Variants in KIF1A observed in about 807,000 individuals in gnomAD.
KIF1A encodes the protein kinesin family member 1A.
A neutral mutation model predicts 227.3 loss-of-function variants in KIF1A; 46 were observed. The observed-to-expected ratio is 0.20, with a 90% CI of 0.16 to 0.26. The LOEUF is 0.26. Among genes scored for constraint, KIF1A ranks in the 10% least tolerant of loss-of-function variants. KIF1A has a pLI of 1.00. For synonymous variants in KIF1A, 1,022 were observed against 1,012.8 expected (o/e 1.01, Z -0.17); for missense variants, 1,683 against 2,485.9 (o/e 0.68, Z 6.87).
chr2:240,717,327 G>A lies in KIF1A; in HGVS notation c.*37C>T. The A allele has an allele frequency of 6.3e-7, 1 of 1,593,416 alleles. No individual in the cohort carries two copies. The highest frequency in any genetic ancestry group is 2.2e-5 in the East Asian group (1 of 44,732). ...GACAGACGAGGATGAGGGAGGGGAT[G>A]GGCTGGGCCTGCCGGCTGTCACGGG... On this transcript the variant is annotated 3_prime_UTR_variant, in exon 49 of 49. Coordinates refer to ENST00000498729, the MANE Select transcript of KIF1A (RefSeq NM_001244008.2).
At chr2:240,733,339 A>G (rs1264695738) in intron 38 of KIF1A, among the ~76,000 whole-genome samples, 1 of 152,078 alleles carries the variant, frequency 6.6e-6, no homozygotes, top group Non-Finnish European at 1.5e-5. Context: ...GCACGATGCC[A>G]TCTCCTCCTC....
At position 240,740,492 on chromosome 2, in the gene KIF1A, G is replaced by C. The variant is rs1300127035; in HGVS notation, c.3750-128C>G. 3.9e-6 allele frequency: 3 copies of C among 770,946 alleles called. No individual in the cohort carries two copies. The highest frequency in any genetic ancestry group is 3.4e-5 in the African/African-American group (2 of 58,468). The allele number at this position is 770,946 out of a possible 1,614,324, so 47.8% of individuals were successfully genotyped here. A position where few individuals can be genotyped will look rare whatever the true frequency, so the allele number is the denominator to read the frequency against. ...AGCTCCCTCTGGTGAAGATCAGGTG[G>C]TCTGATCCATGGAGACCACGGTCAG... On this transcript the variant is annotated intron_variant, in intron 35 of 48. Transcript: ENST00000498729. The surrounding 1 kb of genome is among the most constrained non-coding windows in gnomAD (Gnocchi z 6.1).
chr2:240,780,818 A>AGCTC (rs2053629302), intron 10 of KIF1A, among the ~76,000 whole-genome samples: 4 of 109,754 alleles, frequency 3.6e-5, no homozygotes, highest in African/African-American at 1.7e-4. Flanking sequence ...ACACACACAC[A>AGCTC]CACACACAGC....
At chr2:240,718,297 G>C (rs2044803704) in intron 47 of KIF1A, 129 bp from the exon 48 acceptor site, 2 of 715,392 alleles carry the variant, frequency 2.8e-6, no homozygotes, top group Admixed American at 2.0e-5. Context: ...GGACACGGAG[G>C]GGACAAAGAG....
At chr2:240,746,434 A>T (rs1299765269) in intron 29 of KIF1A, among the ~76,000 whole-genome samples, 1 of 151,828 alleles carries the variant, frequency 6.6e-6, no homozygotes, top group East Asian at 1.9e-4. Context: ...CCTGGAAACA[A>T]CTCACCACCT....
chr2:240,787,400 G>A, intron 4 of KIF1A, 84 bp from the exon 5 acceptor site: 1 of 1,220,086 alleles, frequency 8.2e-7, no homozygotes, highest in Non-Finnish European at 1.2e-6. Flanking sequence ...TGGGCAGCCT[G>A]TGCCAGGCGG....
chr2:240,785,381 T>C (rs1040870582), intron 6 of KIF1A, among the ~76,000 whole-genome samples: 1 of 152,154 alleles, frequency 6.6e-6, no homozygotes, highest in Admixed American at 6.5e-5. Context: ...GAGAAGCCCA[T>C]GCAGTGCCCA....
Position 240,723,414 on chromosome 2 carries a change from T to C in KIF1A, c.4463A>G (p.Glu1488Gly). 6.5e-7 allele frequency: 1 copy of C among 1,546,390 alleles called. No homozygotes were observed. The highest frequency in any genetic ancestry group is 8.7e-7 in the Non-Finnish European group (1 of 1,143,992). Reference protein sequence around the residue: ...WELEKLSLLQEVEKTRHYLLL... With the variant: ...WELEKLSLLQGVEKTRHYLLL... ...CCTCATCCTCTGAGGCTGCCTCACC[T>C]CCTGCAGGAGGCTCAGCTTCTCCAG... The change falls in exon 42 of 49, where the codon GAG (glutamate) becomes GGG (glycine). Residue 1488 changes from glutamate to glycine, a missense_variant and splice_region_variant. Physicochemically the swap from Glu to Gly is moderately conservative, Grantham distance 98. Transcript: ENST00000498729.
At chr2:240,745,942 C>G in intron 30 of KIF1A, 33 bp from the exon 31 acceptor site, 1 of 1,593,476 alleles carries the variant, frequency 6.3e-7, no homozygotes, top group Non-Finnish European at 8.6e-7. Context: ...TCATGGACCT[C>G]CAGGCCATAT....
intron 27 of KIF1A, among the ~76,000 whole-genome samples, chr2:240,751,095 G>A (rs1373928147): frequency 6.6e-6 from 1 of 152,104 alleles, no homozygotes; most frequent in East Asian, 1.9e-4. Context: ...GCTGAATGGA[G>A]CCCTGAGGAC....
At position 240,722,577 on chromosome 2, in the gene KIF1A, G is replaced by C. The variant is rs867230401; in HGVS notation, c.4544C>G (p.Pro1515Arg). 2.6e-6 allele frequency: 4 copies of C among 1,560,042 alleles called. No individual in the cohort carries two copies. In the East Asian group the frequency reaches 9.5e-5, roughly 37 times the overall value. ...GGACTCAGAGTCCTCGCTGAAGGCC[G>C]GGGACAGTGCCTCCGGGACAGGCCG... The part of the protein sequence containing the change: ...AQRPVPEALS[P>R]AFSEDSESHG... Residue 1515 changes from proline (P) to arginine (R), a missense_variant, in exon 43 of 49, where the codon CCG becomes CGG. Coordinates refer to ENST00000498729, the MANE Select transcript of KIF1A (RefSeq NM_001244008.2).
At chr2:240,794,475 TGC>T (rs1228050474) in intron 2 of KIF1A, among the ~76,000 whole-genome samples, 2 of 152,172 alleles carry the variant, frequency 1.3e-5, no homozygotes, top group Non-Finnish European at 2.9e-5. Flanking sequence ...TGCTGACCTT[TGC>T]CCCCTTCCCC....
chr2:240,785,468 G>A (rs550482405), intron 6 of KIF1A, among the ~76,000 whole-genome samples: 95 of 152,322 alleles, frequency 6.2e-4, no homozygotes, highest in East Asian at 2.1e-3. Context: ...CCCTACCACG[G>A]CCCACACCCG....
intron 1 of KIF1A, among the ~76,000 whole-genome samples, chr2:240,800,470 C>A (rs911704356): frequency 6.6e-6 from 1 of 152,152 alleles, no homozygotes; most frequent in Non-Finnish European, 1.5e-5. Flanking sequence ...GCTGCCAAGA[C>A]GGGAGCTGGC....
At chr2:240,808,081 T>C (rs958858327) in intron 1 of KIF1A, among the ~76,000 whole-genome samples, 22 of 152,336 alleles carry the variant, frequency 1.4e-4, no homozygotes, top group Admixed American at 3.9e-4. Context: ...TCCTTTATAT[T>C]CAGAAACAAG....
In KIF1A at chr2:240,789,193, G is replaced by A. The variant is rs774632241; in HGVS notation, c.183+43C>T. 1 of 1,503,174 alleles carries A rather than the reference G, an allele frequency of 6.7e-7. No homozygotes were observed. The highest frequency in any genetic ancestry group is 9.3e-7 in the Non-Finnish European group (1 of 1,079,522). The allele number at this position is 1,503,174 out of a possible 1,614,324, so 93.1% of individuals were successfully genotyped here. ...GGACCCCGAGGGCCACATGGCCTAT[G>A]CACTGCTGCCCCCGCCTCCCCCGAC... On this transcript the variant is annotated intron_variant, in intron 3 of 48. Transcript: ENST00000498729. The surrounding 1 kb of genome is among the most constrained non-coding windows in gnomAD (Gnocchi z 4.8).
chr2:240,762,934 G>A lies in KIF1A; in HGVS notation c.2022+85C>T. 2.9e-6 allele frequency: 4 copies of A among 1,375,772 alleles called. No homozygotes were observed. In the South Asian group the frequency reaches 4.2e-5, roughly 15 times the overall value. 85.2% of individuals were successfully genotyped at this position (1,375,772 alleles called of 1,614,324 possible). A position where few individuals can be genotyped will look rare whatever the true frequency, so the allele number is the denominator to read the frequency against. On this transcript the variant is annotated intron_variant, in intron 22 of 48. Transcript: ENST00000498729. ...AGATGCAAGAGATGGGGCCAGGCAA[G>A]CAGGGAGGAGTGGGGGCGTGGGAGG...
intron 47 of KIF1A, among the ~76,000 whole-genome samples, chr2:240,718,490 C>A (rs2044838488): frequency 6.6e-6 from 1 of 152,220 alleles, no homozygotes; most frequent in African/African-American, 2.4e-5. Context: ...CCACTCCCAC[C>A]ACAGGGAATC....
At chr2:240,761,472 A>G in intron 23 of KIF1A, 95 bp from the exon 24 acceptor site, 8 of 1,236,206 alleles carry the variant, frequency 6.5e-6, no homozygotes, top group South Asian at 3.4e-5. Context: ...CGGCCACTCC[A>G]TGGGGCTGCC....
Sources: allele counts gnomAD v4.1 joint callset (sites outside exome capture counted in the v4.1 genomes callset), GRCh38; gene constraint gnomAD v4.1.1; non-coding constraint Gnocchi (gnomAD v3.1); transcripts MANE v1.5; gene names NCBI Gene and HGNC (gene_info 2026-07-23, HGNC 2026-07-21).